The following GALNT11 variants were observed in gnomAD, a reference collection of about 807,000 sequenced individuals.
The protein encoded by GALNT11 is UDP-GalNAc:polypeptide N-acetylgalactosaminyltransferase 11.
A neutral mutation model predicts 72.7 loss-of-function variants in GALNT11; 47 were observed. The observed-to-expected ratio is 0.65, with a 90% CI of 0.51 to 0.82. The LOEUF is 0.82. Among genes scored for constraint, GALNT11 ranks in the 40% least tolerant of loss-of-function variants. GALNT11 has a pLI of 0.00. For synonymous variants in GALNT11, 270 were observed against 286.6 expected, an observed-to-expected ratio of 0.94 and a Z score of 0.58; for missense variants, 677 against 778.4, an observed-to-expected ratio of 0.87 and a Z score of 1.55.
chr7:152,116,125 C>CA (rs1419405008), intron 8 of GALNT11, among the ~76,000 whole-genome samples: 3 of 152,270 alleles, frequency 2.0e-5, no homozygotes, highest in South Asian at 4.1e-4. Flanking sequence ...TGAAATTTTT[C>CA]AATATTTGGT....
chr7:152,117,612 C>T, intron 9 of GALNT11: 1 of 556,186 alleles, frequency 1.8e-6, no homozygotes, highest in Non-Finnish European at 3.2e-6. Flanking sequence ...TTATGTGACG[C>T]TTTCCAAGAG....
chr7:152,087,824 G>C (rs994303081), intron 1 of GALNT11, among the ~76,000 whole-genome samples: 1 of 152,198 alleles, frequency 6.6e-6, no homozygotes, highest in Non-Finnish European at 1.5e-5. Context: ...GTGTAATTCT[G>C]AGTATTTCAT....
chr7:152,075,836 C>T (rs552389975), intron 1 of GALNT11, among the ~76,000 whole-genome samples: 2 of 149,868 alleles, frequency 1.3e-5, no homozygotes, highest in East Asian at 2.0e-4. Flanking sequence ...CCGAGGCGGG[C>T]GGATCACGAG....
intron 1 of GALNT11, among the ~76,000 whole-genome samples, chr7:152,041,082 T>C (rs2082837121): frequency 6.6e-6 from 1 of 152,206 alleles, no homozygotes; most frequent in Non-Finnish European, 1.5e-5. Context: ...TGGCTGCAAC[T>C]GGGAATCCTT....
chr7:152,050,181 C>T (rs1237873066), intron 1 of GALNT11, among the ~76,000 whole-genome samples: 2 of 152,044 alleles, frequency 1.3e-5, no homozygotes, highest in African/African-American at 4.8e-5. Flanking sequence ...AGCAGAAGTC[C>T]CTTTCTGTAG....
chr7:152,038,840 A>C (rs909648599), intron 1 of GALNT11, among the ~76,000 whole-genome samples: 26 of 152,264 alleles, frequency 1.7e-4, no homozygotes, highest in African/African-American at 6.3e-4. Context: ...AGTTCCTGGC[A>C]TTAAGGTCAA....
intron 1 of GALNT11, among the ~76,000 whole-genome samples, chr7:152,090,775 A>C (rs2085971534): frequency 6.6e-6 from 1 of 151,902 alleles, no homozygotes; most frequent in Non-Finnish European, 1.5e-5. Context: ...CTGAAGCTTC[A>C]CACACCTTCT....
chr7:152,111,300 G>A (rs186039364), intron 7 of GALNT11, among the ~76,000 whole-genome samples: 129 of 151,894 alleles, frequency 8.5e-4, no homozygotes, highest in Non-Finnish European at 1.6e-3. Flanking sequence ...GAGTACAGGC[G>A]CATGCCGCCA....
intron 1 of GALNT11, among the ~76,000 whole-genome samples, chr7:152,053,920 G>A (rs1237236718): frequency 6.6e-6 from 1 of 152,172 alleles, no homozygotes; most frequent in Non-Finnish European, 1.5e-5. Context: ...TAAGTATTTA[G>A]AAAAACTTTC....
At chr7:152,091,980 G>A (rs2086067867) in intron 1 of GALNT11, among the ~76,000 whole-genome samples, 1 of 152,178 alleles carries the variant, frequency 6.6e-6, no homozygotes, top group Non-Finnish European at 1.5e-5. Flanking sequence ...AGCCCATGGT[G>A]GAAGCGGGAA....
intron 4 of GALNT11, chr7:152,103,923 C>G (rs1339013091): frequency 2.0e-5 from 3 of 152,834 alleles, no homozygotes; most frequent in African/African-American, 7.2e-5. Flanking sequence ...TTATGCTTCT[C>G]TATTAAGTCT....
At position 152,091,538 on chromosome 7, in the gene GALNT11, C is replaced by T. The variant is rs187016836; in HGVS notation, c.-38-2652C>T. 1.3e-3 allele frequency among the ~76,000 whole-genome samples: 195 copies of T among 152,214 alleles called. 1 individual carries two copies. In the East Asian group the frequency reaches 0.026, roughly 20 times the overall value. ...TACAGGCGTGAGCCACCGCGCCCGG[C>T]CCTAATTTTTTGTATTTTTAGTAGA... On this transcript the variant is annotated intron_variant, in intron 1 of 11. Transcript: ENST00000430044.
At position 152,122,251 on chromosome 7, in the gene GALNT11, GCAT is replaced by G. The variant is rs1217821027; in HGVS notation, c.*578_*580del. 1 of 152,076 alleles carries G rather than the reference GCAT, an allele frequency of 6.6e-6. No homozygotes were observed. The highest frequency in any genetic ancestry group is 1.5e-5 in the Non-Finnish European group (1 of 68,016). The allele number at this position is 152,076 out of a possible 1,614,324, so 9.4% of individuals were successfully genotyped here. ...TCTATATTATGTTTAACTTCAGAAG[GCAT>G]CATTTATAAGACAGTATGGCAGTTA... On this transcript the variant is annotated 3_prime_UTR_variant, in exon 12 of 12. Coordinates refer to ENST00000430044, the MANE Select transcript of GALNT11 (RefSeq NM_022087.4).
chr7:152,108,667 A>AT (rs1293775899), intron 6 of GALNT11, among the ~76,000 whole-genome samples: 3 of 152,226 alleles, frequency 2.0e-5, no homozygotes, highest in African/African-American at 7.2e-5. Context: ...TGTGAAAAAC[A>AT]TTAATACGTA....
At chr7:152,104,518 A>T (rs1000087725) in intron 4 of GALNT11, 1 of 152,222 alleles carries the variant, frequency 6.6e-6, no homozygotes, top group African/African-American at 2.4e-5. Flanking sequence ...GATTGGTTAC[A>T]TACTGATTTC....
intron 1 of GALNT11, among the ~76,000 whole-genome samples, chr7:152,050,889 C>T (rs2083362819): frequency 6.6e-6 from 1 of 152,208 alleles, no homozygotes; most frequent in Non-Finnish European, 1.5e-5. Context: ...TTGCTTTCCA[C>T]TGTGACAGGG....
intron 1 of GALNT11, among the ~76,000 whole-genome samples, chr7:152,075,501 G>GA (rs1452812670): frequency 6.6e-6 from 1 of 152,214 alleles, no homozygotes; most frequent in Non-Finnish European, 1.5e-5. Context: ...GCTTTCCTTA[G>GA]AAAAGCTTAT....
intron 7 of GALNT11, among the ~76,000 whole-genome samples, chr7:152,111,201 G>A (rs796101950): frequency 3.9e-5 from 6 of 152,244 alleles, no homozygotes; most frequent in African/African-American, 1.2e-4. Flanking sequence ...CCAGGTTGGA[G>A]TAGAGTGGGA....
intron 1 of GALNT11, among the ~76,000 whole-genome samples, chr7:152,063,276 T>C (rs1587096011): frequency 6.6e-6 from 1 of 152,372 alleles, no homozygotes; most frequent in Non-Finnish European, 1.5e-5. Flanking sequence ...TATTCTCTGA[T>C]GGTAGTTTGT....
Sources: gnomAD v4.1 joint callset for allele counts (sites outside exome capture counted in the v4.1 genomes callset) on GRCh38, gnomAD v4.1.1 for gene constraint, MANE v1.5 for transcripts, NCBI Gene and HGNC (gene_info 2026-07-23, HGNC 2026-07-21) for gene names.